The following USP28 variants were observed in gnomAD, a reference collection of about 807,000 sequenced individuals.
USP28 encodes the protein ubiquitin carboxyl-terminal hydrolase 28.
A neutral mutation model predicts 145.0 loss-of-function variants in USP28; 113 were observed. The ratio of observed to expected loss-of-function variants is 0.78; its 90% CI spans 0.67 to 0.91. The LOEUF (loss-of-function observed/expected upper bound fraction) is 0.91, where lower values mean the gene tolerates loss of function less well. USP28 is among the 40% of genes least tolerant of loss of function. The pLI is 0.00. For missense variants in USP28, 1,201 were observed against 1,289.6 expected, an observed-to-expected ratio of 0.93 and a Z score of 1.05; for synonymous variants, 447 against 450.9, an observed-to-expected ratio of 0.99 and a Z score of 0.11.
chr11:113,872,656 C>A (rs941714253), intron 1 of USP28, among the ~76,000 whole-genome samples: 1 of 152,128 alleles, frequency 6.6e-6, no homozygotes, highest in Non-Finnish European at 1.5e-5. Context: ...CTGAAACTGG[C>A]AGGTTTTTAT....
intron 1 of USP28, among the ~76,000 whole-genome samples, chr11:113,857,009 A>G (rs1947118705): frequency 1.3e-5 from 2 of 152,256 alleles, no homozygotes; most frequent in African/African-American, 4.8e-5. Context: ...TCAGAAGTAG[A>G]GAGGTAAATA....
At chr11:113,867,286 G>C (rs1948369619) in intron 1 of USP28, among the ~76,000 whole-genome samples, 2 of 150,860 alleles carry the variant, frequency 1.3e-5, no homozygotes, top group Non-Finnish European at 3.0e-5. Context: ...TTTTTTTGGA[G>C]ACAGAGTTTT....
At chr11:113,869,844 T>C (rs963391996) in intron 1 of USP28, among the ~76,000 whole-genome samples, 4 of 151,554 alleles carry the variant, frequency 2.6e-5, no homozygotes, top group Non-Finnish European at 5.9e-5. Flanking sequence ...GGAAACAGAG[T>C]ATAGAAGTCA....
intron 1 of USP28, among the ~76,000 whole-genome samples, chr11:113,866,486 C>T (rs1297680707): frequency 6.6e-6 from 1 of 152,078 alleles, no homozygotes; most frequent in Non-Finnish European, 1.5e-5. Flanking sequence ...GGACAAAGAA[C>T]TTAAAAAGAT....
intron 3 of USP28, among the ~76,000 whole-genome samples, chr11:113,850,323 T>G (rs906259369): frequency 6.6e-6 from 1 of 152,066 alleles, no homozygotes; most frequent in Non-Finnish European, 1.5e-5. Flanking sequence ...ACAGCAGGCT[T>G]GAATAGCAAA....
chr11:113,855,100 CTG>C (rs35118341), intron 1 of USP28, among the ~76,000 whole-genome samples: 9,849 of 152,234 alleles, frequency 0.065, 434 homozygotes, highest in Non-Finnish European at 0.09. Flanking sequence ...ATTTAAAACT[CTG>C]TGTTTGACTA....
chr11:113,806,578 G>C, exon 19 of USP28: 1 of 1,572,616 alleles, frequency 6.4e-7, no homozygotes, highest in South Asian at 1.2e-5. Flanking sequence ...GCAGGGCTCA[G>C]CATCACCTAC....
chr11:113,848,212 T>C (rs7938454), intron 3 of USP28, among the ~76,000 whole-genome samples: 78,004 of 152,064 alleles, frequency 0.51, 21,137 homozygotes, highest in Non-Finnish European at 0.61. Context: ...AACATTTTAA[T>C]ACAGCACTAC....
intron 9 of USP28, among the ~76,000 whole-genome samples, chr11:113,829,890 T>C (rs1591301678): frequency 6.6e-6 from 1 of 151,724 alleles, no homozygotes; most frequent in Non-Finnish European, 1.5e-5. Context: ...TCAAGAGTTT[T>C]CTCACCATCT....
intron 7 of USP28, 119 bp from the exon 8 acceptor site, chr11:113,832,112 T>C: frequency 1.1e-6 from 1 of 919,108 alleles, no homozygotes; most frequent in East Asian, 2.8e-5. Flanking sequence ...CTTTTTTTCT[T>C]TTCTTTTTTT....
At chr11:113,865,517 T>C (rs1019858870) in intron 1 of USP28, among the ~76,000 whole-genome samples, 3 of 152,146 alleles carry the variant, frequency 2.0e-5, no homozygotes, top group African/African-American at 7.2e-5. Flanking sequence ...ACCAACAGAA[T>C]AGAACTGAGA....
intron 1 of USP28, among the ~76,000 whole-genome samples, chr11:113,874,163 G>A (rs1949115842): frequency 1.6e-5 from 2 of 128,992 alleles, no homozygotes; most frequent in Non-Finnish European, 3.2e-5. Flanking sequence ...AAAAAAAAGT[G>A]CGTCCAGACT....
chr11:113,823,753 A>C (rs1942972564), intron 11 of USP28, 53 bp from the exon 12 acceptor site: 1 of 1,415,418 alleles, frequency 7.1e-7, no homozygotes, highest in Non-Finnish European at 9.6e-7. Context: ...TTAATGACAT[A>C]AAGTCTCAGT....
exon 1 of USP28, chr11:113,875,453 G>C (rs1949284600): frequency 1.6e-6 from 2 of 1,249,178 alleles, no homozygotes; most frequent in African/African-American, 3.2e-5. Context: ...ACCGAGCCGT[G>C]GCCGTCTGCC....
intron 1 of USP28, among the ~76,000 whole-genome samples, chr11:113,857,668 T>A (rs753773033): frequency 9.2e-5 from 14 of 152,206 alleles, no homozygotes; most frequent in Non-Finnish European, 1.6e-4. Context: ...CTCAGAGATC[T>A]CAGAATGCCA....
chr11:113,810,623 C>G (rs1049777336), intron 16 of USP28, among the ~76,000 whole-genome samples: 1 of 152,192 alleles, frequency 6.6e-6, no homozygotes, highest in Non-Finnish European at 1.5e-5. Flanking sequence ...TTCCCTAATC[C>G]CCAACCACAC....
chr11:113,836,762 A>G (rs1944612163), intron 5 of USP28, among the ~76,000 whole-genome samples: 1 of 152,122 alleles, frequency 6.6e-6, no homozygotes, highest in Non-Finnish European at 1.5e-5. Flanking sequence ...CACAGGAGCC[A>G]GAGGGAGACT....
At chr11:113,830,975 T>C in intron 8 of USP28, 32 bp from the exon 9 acceptor site, 2 of 1,609,296 alleles carry the variant, frequency 1.2e-6, no homozygotes, top group South Asian at 1.1e-5. Context: ...AATTCTGGAT[T>C]GTTTGGATTA....
chr11:113,860,677 G>A (rs1285815921), intron 1 of USP28, among the ~76,000 whole-genome samples: 1 of 152,022 alleles, frequency 6.6e-6, no homozygotes, highest in Non-Finnish European at 1.5e-5. Flanking sequence ...AAATTTGCCA[G>A]GCATGGTGGC....
Sources: allele counts gnomAD v4.1 joint callset (sites outside exome capture counted in the v4.1 genomes callset), GRCh38; gene constraint gnomAD v4.1.1; transcripts MANE v1.5; gene names NCBI Gene and HGNC (gene_info 2026-07-23, HGNC 2026-07-21).